Variants in PHACTR2 observed in about 807,000 individuals in gnomAD.
The protein encoded by PHACTR2 is phosphatase and actin regulator 2, also known as chromosome 6 open reading frame 56.
In PHACTR2, 30 loss-of-function variants were observed where a neutral mutation model predicts 76.0. The ratio of observed to expected loss-of-function variants is 0.39; its 90% CI spans 0.30 to 0.54. The LOEUF (loss-of-function observed/expected upper bound fraction) is 0.54, where lower values mean the gene tolerates loss of function less well. Among genes scored for constraint, PHACTR2 ranks in the 20% least tolerant of loss-of-function variants. PHACTR2 has a pLI of 0.61. For synonymous variants in PHACTR2, 292 were observed against 292.5 expected, an observed-to-expected ratio of 1.00 and a Z score of 0.02; for missense variants, 696 against 781.1, an observed-to-expected ratio of 0.89 and a Z score of 1.30.
At chr6:143,650,023 A>T (rs1271187005) in intron 1 of PHACTR2, among the ~76,000 whole-genome samples, 1 of 152,240 alleles carries the variant, frequency 6.6e-6, no homozygotes, top group Non-Finnish European at 1.5e-5. Flanking sequence ...TACAAAAATT[A>T]TTAGCATTCC....
chr6:143,797,118 G>T (rs1763737784), intron 11 of PHACTR2, among the ~76,000 whole-genome samples: 1 of 152,140 alleles, frequency 6.6e-6, no homozygotes, highest in Admixed American at 6.5e-5. Context: ...GGCATGAGAT[G>T]GTATCTCATT....
rs192499324 is a variant in PHACTR2, at chr6:143,611,844, T to G, written c.13+3522T>G. Among the ~76,000 whole-genome samples the G allele has an allele frequency of 1.1e-4, 16 of 152,250 alleles. No individual in the cohort carries two copies. Among genetic ancestry groups the G allele is most frequent in the Non-Finnish European group, 2.1e-4 (14 of 68,018 alleles). ...TAGAACTGGAAATTTATGTGGGTGG[T>G]GCAATGGGCATGGGGTTGGGGGATG... On this transcript the variant is annotated intron_variant, in intron 1 of 11. Coordinates refer to the PHACTR2 transcript ENST00000305766. The surrounding 1 kb of genome is among the most constrained non-coding windows in gnomAD (Gnocchi z 4.4).
intron 1 of PHACTR2, among the ~76,000 whole-genome samples, chr6:143,587,807 A>C (rs998267137): frequency 1.3e-5 from 2 of 152,034 alleles, no homozygotes; most frequent in African/African-American, 4.8e-5. Context: ...TGTGGTCAGG[A>C]GTTAGAGACC....
rs1031141497 is a variant in PHACTR2, at chr6:143,760,097, T to A, written c.455-304T>A. On this transcript the variant is annotated intron_variant, in intron 4 of 12. Transcript: ENST00000440869. The surrounding 1 kb of genome is among the most constrained non-coding windows in gnomAD (Gnocchi z 6.4). ...CACATCATCATCCAGCAACCCCAGA[T>A]CCAAGGCTGGAACTGAGGCCCCTGA... 4.6e-5 allele frequency among the ~76,000 whole-genome samples: 7 copies of A among 152,186 alleles called. No individual in the cohort carries two copies. The highest frequency in any genetic ancestry group is 4.6e-4 in the Admixed American group (7 of 15,266).
intron 12 of PHACTR2, among the ~76,000 whole-genome samples, chr6:143,813,185 A>G (rs989802099): frequency 2.0e-5 from 3 of 152,306 alleles, no homozygotes; most frequent in East Asian, 1.9e-4. Context: ...TACTTCTTAT[A>G]TTAAGGAGTC....
chr6:143,655,735 G>A (rs759616638), intron 1 of PHACTR2, among the ~76,000 whole-genome samples: 5 of 152,134 alleles, frequency 3.3e-5, no homozygotes, highest in African/African-American at 4.8e-5. Context: ...TTCTATTCAC[G>A]TTTCAGACTT....
rs1776605158 is a variant in PHACTR2 at position 143,829,114 on chromosome 6, C to T, written c.*5425C>T. 1 of 147,864 alleles carries T rather than the reference C, an allele frequency of 6.8e-6. No individual in the cohort carries two copies. The highest frequency in any genetic ancestry group is 2.5e-5 in the African/African-American group (1 of 39,982). The allele number at this position is 147,864 out of a possible 1,614,324, so 9.2% of individuals were successfully genotyped here. ...CTTGGCCATTCAGTGGGCATGGGGA[C>T]TTGGCCTAGTCCCTATATATATATA... On this transcript the variant is annotated 3_prime_UTR_variant, in exon 13 of 13. Transcript: ENST00000440869.
At position 143,677,986 on chromosome 6, in the gene PHACTR2, G is replaced by A. The variant is rs1777284993; in HGVS notation, c.-178G>A. The A allele has an allele frequency of 4.4e-6, 6 of 1,369,116 alleles. No individual in the cohort carries two copies. The South Asian group carries it at 8.6e-5, about 20-fold the overall frequency. The allele number at this position is 1,369,116 out of a possible 1,614,324, so 84.8% of individuals were successfully genotyped here. A position where few individuals can be genotyped will look rare whatever the true frequency, so the allele number is the denominator to read the frequency against. ...AGGCATCCGCTGGGCAGGATCCGCC[G>A]CGCCGGCTGCGGCCGGCCGGGCTGG... is the stretch of plus-strand genomic sequence containing the variant. On this transcript the variant is annotated 5_prime_UTR_variant, in exon 1 of 13. Coordinates refer to ENST00000440869, the MANE Select transcript of PHACTR2 (RefSeq NM_001100164.2).
intron 12 of PHACTR2, among the ~76,000 whole-genome samples, chr6:143,815,153 G>T (rs1159594279): frequency 6.6e-6 from 1 of 151,976 alleles, no homozygotes; most frequent in Non-Finnish European, 1.5e-5. Context: ...TACCTGGACA[G>T]AAATTAAAAG....
chr6:143,727,388 T>A (rs553290368), intron 2 of PHACTR2, among the ~76,000 whole-genome samples: 27 of 152,344 alleles, frequency 1.8e-4, no homozygotes, highest in African/African-American at 6.3e-4. Flanking sequence ...ATTCCATATC[T>A]TGGCTATTGT....
chr6:143,567,177 C>T lies in PHACTR2; in HGVS notation c.217+29970C>T, dbSNP rs184630006. On this transcript the variant is annotated intron_variant, in intron 1 of 11. Coordinates refer to the PHACTR2 transcript ENST00000367584. ...CCTCGAAGTACCAAAGTGACTTTAG[C>T]GCCCCAAGTATTCTGGAGTCATTGT... is the stretch of plus-strand genomic sequence containing the variant. Among the ~76,000 whole-genome samples, 41 of 152,176 alleles carry T rather than the reference C, an allele frequency of 2.7e-4. No homozygotes were observed. The South Asian group carries it at 7.7e-3, about 28-fold the overall frequency.
At chr6:143,693,036 T>C (rs562069982) in intron 1 of PHACTR2, among the ~76,000 whole-genome samples, 115 of 152,294 alleles carry the variant, frequency 7.6e-4, no homozygotes, top group Non-Finnish European at 1.5e-3. Flanking sequence ...CCCACACACA[T>C]CTGTGCTCAA....
At chr6:143,628,070 A>G (rs149169814) in intron 1 of PHACTR2, among the ~76,000 whole-genome samples, 1 of 152,306 alleles carries the variant, frequency 6.6e-6, no homozygotes, top group African/African-American at 2.4e-5. Context: ...TGGCTTTTCA[A>G]ATTGAACCTA....
In PHACTR2 at chr6:143,803,925, G is replaced by A. The variant is rs980980435; in HGVS notation, c.1846-3132G>A. ...TAGTGTTGCCAGGCAAATATTCTCA[G>A]GGCAAACAGGAAAAGGGTTAATGCG... On this transcript the variant is annotated intron_variant, in intron 11 of 12. Transcript: ENST00000440869. This position sits in a 1 kb window ranked among gnomAD's most constrained non-coding sequence, Gnocchi z 4.7. Among the ~76,000 whole-genome samples, 1 of 152,180 alleles carries A rather than the reference G, an allele frequency of 6.6e-6. No individual in the cohort carries two copies. Among genetic ancestry groups the A allele is most frequent in the Non-Finnish European group, 1.5e-5 (1 of 68,038 alleles).
rs967789249 is a variant in PHACTR2 at position 143,541,674 on chromosome 6, G to A, written c.217+4467G>A. Among the ~76,000 whole-genome samples the A allele has an allele frequency of 6.6e-6, 1 of 152,174 alleles. No homozygotes were observed. The highest frequency in any genetic ancestry group is 6.6e-5 in the Admixed American group (1 of 15,264). On this transcript the variant is annotated intron_variant, in intron 1 of 11. Coordinates refer to the PHACTR2 transcript ENST00000367584. The surrounding 1 kb of genome is among the most constrained non-coding windows in gnomAD (Gnocchi z 5.3). ...TTTTCTCAAATCTTTAATTCCTGGT[G>A]TGTTCAGTGCTGAGTGGAAGTGAGA...
chr6:143,618,743 A>G lies in PHACTR2; in HGVS notation c.13+10421A>G, dbSNP rs558170313. On this transcript the variant is annotated intron_variant, in intron 1 of 11. Transcript: ENST00000305766. The surrounding 1 kb of genome is among the most constrained non-coding windows in gnomAD (Gnocchi z 5.2). ...TCCTCCTTGTCTTAGCCTCAGCTCA[A>G]GTGTCCCCGTTTGCTCCAAACCATC... Among the ~76,000 whole-genome samples the G allele has an allele frequency of 6.6e-6, 1 of 152,194 alleles. No individual in the cohort carries two copies. The highest frequency in any genetic ancestry group is 2.1e-4 in the South Asian group (1 of 4,824).
intron 2 of PHACTR2, among the ~76,000 whole-genome samples, chr6:143,741,633 G>A (rs554911443): frequency 5.3e-4 from 81 of 152,236 alleles, no homozygotes; most frequent in African/African-American, 1.8e-3. Context: ...GTGAAATTGC[G>A]ACAGTAATTT....
intron 2 of PHACTR2, among the ~76,000 whole-genome samples, chr6:143,741,407 C>T (rs748270043): frequency 2.0e-5 from 3 of 152,072 alleles, no homozygotes; most frequent in Admixed American, 6.5e-5. Context: ...GCAGGAGAAT[C>T]GCTTGAACCC....
Position 143,633,793 on chromosome 6 carries a change from A to G in PHACTR2, c.13+25471A>G, listed in dbSNP as rs1476526514. Among the ~76,000 whole-genome samples, 1 of 152,192 alleles carries G rather than the reference A, an allele frequency of 6.6e-6. No homozygotes were observed. Among genetic ancestry groups the G allele is most frequent in the Non-Finnish European group, 1.5e-5 (1 of 68,028 alleles). ...AGTTTTGTACTTTATATTTAGATCC[A>G]TAATCGATTTTGATATTTTATAAAG... On this transcript the variant is annotated intron_variant, in intron 1 of 11. Coordinates refer to the PHACTR2 transcript ENST00000305766. The surrounding 1 kb of genome is among the most constrained non-coding windows in gnomAD (Gnocchi z 4.1).
Sources: allele counts gnomAD v4.1 joint callset (sites outside exome capture counted in the v4.1 genomes callset), GRCh38; gene constraint gnomAD v4.1.1; non-coding constraint Gnocchi (gnomAD v3.1); transcripts MANE v1.5; gene names NCBI Gene and HGNC (gene_info 2026-07-23, HGNC 2026-07-21).